The following CFAP46 variants were observed in gnomAD, a reference collection of about 807,000 sequenced individuals.
CFAP46 encodes cilia- and flagella-associated protein 46.
Under a neutral mutation model 325.7 loss-of-function variants are expected in CFAP46, and 245 were observed. The observed-to-expected ratio is 0.75, with a 90% CI of 0.68 to 0.84. The LOEUF (loss-of-function observed/expected upper bound fraction) is 0.84. Among genes scored for constraint, CFAP46 ranks in the 40% least tolerant of loss-of-function variants. The pLI is 0.00. For synonymous variants in CFAP46, 1,523 were observed against 1,495.9 expected (o/e 1.02, Z -0.42); for missense variants, 3,346 against 3,543.0 (o/e 0.94, Z 1.41).
rs979554500 is a variant in CFAP46 at position 132,840,064 on chromosome 10, T to G, written c.6439-3150A>C. ...AGAGGTTATTTATTCTTCCAGTTTT[T>G]GGAAGAATTTACTGGTGAAGCCAGT... On this transcript the variant is annotated intron_variant, in intron 44 of 57. Coordinates refer to ENST00000368586, the MANE Select transcript of CFAP46 (RefSeq NM_001200049.3). 5.2e-4 allele frequency among the ~76,000 whole-genome samples: 79 copies of G among 152,244 alleles called. 4 individuals carry two copies. The highest frequency in any genetic ancestry group is 1.0e-4 in the Non-Finnish European group (7 of 68,044).
chr10:132,918,619 C>T (rs1411467447), intron 15 of CFAP46, 99 bp from the exon 16 acceptor site: 9 of 1,412,748 alleles, frequency 6.4e-6, no homozygotes, highest in Non-Finnish European at 8.4e-6. Context: ...GAGCCTCTCC[C>T]CAGCTCCGTG....
At chr10:132,885,080 C>T (rs1849101735) in intron 27 of CFAP46, 23 bp downstream of exon 27, 6 of 1,531,364 alleles carry the variant, frequency 3.9e-6, no homozygotes, top group Non-Finnish European at 5.3e-6. Context: ...TTACCACGTG[C>T]ACCCACGCTT....
chr10:132,912,807 G>A lies in CFAP46; in HGVS notation c.2347C>T (p.Leu783=). Residue 783 remains leucine, a synonymous_variant, in exon 19 of 58, where the codon CTG becomes TTG. Coordinates refer to ENST00000368586, the MANE Select transcript of CFAP46 (RefSeq NM_001200049.3). Reference sequence around the variant, plus strand: ...GCCAAGGTGTTGCAGAGCGTCACCAGCATCACGGGGTCCCTGGGAGACATG... The same window carrying A: ...GCCAAGGTGTTGCAGAGCGTCACCAACATCACGGGGTCCCTGGGAGACATG... ...ATGHSGDPVM[L]VTLCNTLARG... is the part of the protein sequence containing the mutation. The A allele has an allele frequency of 6.5e-7, 1 of 1,548,958 alleles. No individual in the cohort carries two copies. The highest frequency in any genetic ancestry group is 8.7e-7 in the Non-Finnish European group (1 of 1,146,604).
intron 24 of CFAP46, among the ~76,000 whole-genome samples, chr10:132,895,494 G>C (rs1849306313): frequency 6.6e-6 from 1 of 152,116 alleles, no homozygotes; most frequent in Non-Finnish European, 1.5e-5. Context: ...AGGCAGCCAG[G>C]CTGTGTGTGC....
At chr10:132,823,158 T>G (rs1847923844) in intron 50 of CFAP46, among the ~76,000 whole-genome samples, 2 of 126,568 alleles carry the variant, frequency 1.6e-5, no homozygotes, top group Non-Finnish European at 3.3e-5. Context: ...GTGTGCTGTG[T>G]GAGTGATGTG....
chr10:132,932,713 G>A (rs749656257), intron 8 of CFAP46, among the ~76,000 whole-genome samples: 2 of 150,812 alleles, frequency 1.3e-5, no homozygotes, highest in Non-Finnish European at 3.0e-5. Context: ...CACCAATCAG[G>A]GTCTTTGCAG....
At position 132,941,702 on chromosome 10, in the gene CFAP46, G is replaced by A. The variant is rs144625115; in HGVS notation, c.195C>T (p.Ser65=). The A allele has an allele frequency of 5.9e-5, 95 of 1,613,866 alleles. No individual in the cohort carries two copies. The highest frequency in any genetic ancestry group is 2.9e-4 in the African/African-American group (22 of 74,934). The part of the protein sequence containing the change: ...QALKMRQPEV[S]EDCIQMYFKV... The stretch of plus-strand genomic sequence containing the variant: ...TGAAGTACATTTGGATGCAGTCCTC[G>A]CTCACCTCTGGCTGCCTCATCTGCA... Residue 65 remains serine (S), a synonymous_variant, in exon 3 of 58, where the codon AGC becomes AGT. Coordinates refer to ENST00000368586, the MANE Select transcript of CFAP46 (RefSeq NM_001200049.3).
At chr10:132,822,435 TGTGTGTGCAGTG>T (rs1847880355) in intron 50 of CFAP46, among the ~76,000 whole-genome samples, 1 of 143,006 alleles carries the variant, frequency 7.0e-6, no homozygotes, top group African/African-American at 2.6e-5. Context: ...TGATGTGTGC[TGTGTGTGCAGTG>T]ATGTGTGCTG....
intron 47 of CFAP46, 91 bp downstream of exon 47, chr10:132,835,213 C>T (rs1848220131): frequency 1.1e-5 from 17 of 1,534,184 alleles, no homozygotes; most frequent in South Asian, 4.9e-5. Flanking sequence ...CCTAGCGCCC[C>T]GCCCCTCCCC....
rs1437369894 is a variant in CFAP46, at chr10:132,886,287, C to T, written c.3305-328G>A. ...TTTCCACGTATTAAAGATTGGCGAG[C>T]AGGACTTGGGGTCCTTTCAGGAGTT... On this transcript the variant is annotated intron_variant, in intron 25 of 57. Coordinates refer to ENST00000368586, the MANE Select transcript of CFAP46 (RefSeq NM_001200049.3). This position sits in a 1 kb window ranked among gnomAD's most constrained non-coding sequence, Gnocchi z 5.8. Among the ~76,000 whole-genome samples the T allele has an allele frequency of 6.6e-6, 1 of 152,216 alleles. No individual in the cohort carries two copies. The highest frequency in any genetic ancestry group is 1.9e-4 in the East Asian group (1 of 5,198).
intron 50 of CFAP46, among the ~76,000 whole-genome samples, chr10:132,822,784 G>GTGTGCTGTGTGTGCAGTGA (rs1847900419): frequency 3.0e-5 from 3 of 99,762 alleles, no homozygotes; most frequent in Non-Finnish European, 4.1e-5. Flanking sequence ...GTGTGCACTT[G>GTGTGCTGTGTGTGCAGTGA]TGTGTGCTGT....
At chr10:132,864,133 C>A (rs1166903843) in intron 35 of CFAP46, among the ~76,000 whole-genome samples, 1 of 144,094 alleles carries the variant, frequency 6.9e-6, no homozygotes, top group Admixed American at 6.9e-5. Flanking sequence ...GACCTCCACA[C>A]ACCTGTCCCC....
chr10:132,834,726 A>G lies in CFAP46; in HGVS notation c.6794T>C (p.Leu2265Pro), dbSNP rs35172580. The change falls in exon 48 of 58, where the codon CTC (leucine) becomes CCC (proline). Residue 2265 changes from leucine (L) to proline (P), a missense_variant. Transcript: ENST00000368586. ...CTCCAGGGGCCCCAGGACGCTACTG[A>G]GCCTCTGCACAGGGCGCTCCTTCTC... ...VEEKERPVQRLSSVLGPLEEL... is the reference protein window; with the variant it reads ...VEEKERPVQRPSSVLGPLEEL... 2.3e-5 allele frequency: 37 copies of G among 1,613,150 alleles called. No individual in the cohort carries two copies. In the African/African-American group the frequency reaches 3.7e-4, roughly 16 times the overall value.
chr10:132,902,862 G>A (rs1849409395), intron 22 of CFAP46, among the ~76,000 whole-genome samples: 1 of 152,204 alleles, frequency 6.6e-6, no homozygotes, highest in South Asian at 2.1e-4. Context: ...GGGTGAGTCT[G>A]CACTCACCCC....
intron 9 of CFAP46, among the ~76,000 whole-genome samples, chr10:132,928,862 C>T (rs981520553): frequency 3.3e-5 from 5 of 152,284 alleles, no homozygotes; most frequent in African/African-American, 9.6e-5. Flanking sequence ...ACACACTTGT[C>T]GTTGTGTGAA....
intron 50 of CFAP46, among the ~76,000 whole-genome samples, chr10:132,818,724 G>T (rs915319935): frequency 1.3e-5 from 2 of 152,002 alleles, no homozygotes; most frequent in Non-Finnish European, 2.9e-5. Flanking sequence ...ATGGTGGTGT[G>T]CACCTGTAAT....
At position 132,876,705 on chromosome 10, in the gene CFAP46, C is replaced by T; in HGVS notation, c.4362+107G>A. 2 of 1,212,440 alleles carry T rather than the reference C, an allele frequency of 1.6e-6. No homozygotes were observed. Among genetic ancestry groups the T allele is most frequent in the Admixed American group, 2.7e-5 (1 of 37,104 alleles). The allele number at this position is 1,212,440 out of a possible 1,614,324, so 75.1% of individuals were successfully genotyped here. A position where few individuals can be genotyped will look rare whatever the true frequency, so the allele number is the denominator to read the frequency against. Reference sequence around the variant, plus strand: ...GGGGGCTGATGGGACTCTGTCCTGTCCTCCTTTTTCTGGCTACAGTTCACA... The same window carrying T: ...GGGGGCTGATGGGACTCTGTCCTGTTCTCCTTTTTCTGGCTACAGTTCACA... On this transcript the variant is annotated intron_variant, in intron 31 of 57. Transcript: ENST00000368586. The surrounding 1 kb of genome is among the most constrained non-coding windows in gnomAD (Gnocchi z 4.1).
rs1014114585 is a variant in CFAP46, at chr10:132,869,588, C to T, written c.4512-216G>A. 2.0e-5 allele frequency among the ~76,000 whole-genome samples: 3 copies of T among 152,218 alleles called. No individual in the cohort carries two copies. The highest frequency in any genetic ancestry group is 7.2e-5 in the African/African-American group (3 of 41,458). The stretch of plus-strand genomic sequence containing the variant: ...GTGGGATTCTTCTCCCGCTCCTTCA[C>T]AGATCTCGTGCGAGGCATTATCTGT... On this transcript the variant is annotated intron_variant, in intron 32 of 57. Transcript: ENST00000368586. This position sits in a 1 kb window ranked among gnomAD's most constrained non-coding sequence, Gnocchi z 6.2.
rs575504414 is a variant in CFAP46 at position 132,872,756 on chromosome 10, C to T, written c.4431G>A (p.Thr1477=). 1.9e-5 allele frequency: 29 copies of T among 1,550,954 alleles called. No individual in the cohort carries two copies. The highest frequency in any genetic ancestry group is 1.8e-4 in the African/African-American group (13 of 73,188). ...ALQKMCLHEL[T]VPVLQLGVLI... is the part of the protein sequence containing the mutation. ...GCACCCCCAACTGCAGGACGGGAAC[C>T]GTGAGTTCGTGCAGGCACATCTTCT... is the stretch of plus-strand genomic sequence containing the variant. Residue 1477 remains threonine (T), a synonymous_variant, in exon 32 of 58, where the codon ACG becomes ACA. Coordinates refer to ENST00000368586, the MANE Select transcript of CFAP46 (RefSeq NM_001200049.3).
Sources: allele counts gnomAD v4.1 joint callset (sites outside exome capture counted in the v4.1 genomes callset), GRCh38; gene constraint gnomAD v4.1.1; non-coding constraint Gnocchi (gnomAD v3.1); transcripts MANE v1.5; gene names NCBI Gene and HGNC (gene_info 2026-07-23, HGNC 2026-07-21).